Variants in NUP205 observed in about 807,000 individuals in gnomAD.
NUP205 encodes the protein nuclear pore complex protein Nup205.
NUP205 carries 76 observed loss-of-function variants against 253.8 expected under a neutral mutation model. The ratio of observed to expected loss-of-function variants is 0.30; its 90% confidence interval spans 0.25 to 0.36. The LOEUF (loss-of-function observed/expected upper bound fraction) is 0.36, where lower values mean the gene tolerates loss of function less well. Ranked by LOEUF, NUP205 falls within the 10% of genes least tolerant of loss-of-function variation. NUP205 has a pLI of 1.00. For synonymous variants in NUP205, 832 were observed against 850.1 expected, an observed-to-expected ratio of 0.98 and a Z score of 0.37; for missense variants, 2,162 against 2,425.5, an observed-to-expected ratio of 0.89 and a Z score of 2.28.
intron 27 of NUP205, among the ~76,000 whole-genome samples, chr7:135,617,962 G>C (rs1382789901): frequency 6.6e-6 from 1 of 151,372 alleles, no homozygotes; most frequent in Non-Finnish European, 1.5e-5. Context: ...GAGAGAGGAG[G>C]GTCATTTGTC....
chr7:135,600,819 C>A, intron 15 of NUP205, 51 bp from the exon 16 acceptor site: 1 of 1,071,432 alleles, frequency 9.3e-7, no homozygotes, highest in South Asian at 1.6e-5. Context: ...CTTGCAAGGC[C>A]ACCACCTTGG....
At chr7:135,558,404 A>G (rs535794141) in intron 1 of NUP205, among the ~76,000 whole-genome samples, 1 of 152,230 alleles carries the variant, frequency 6.6e-6, no homozygotes, top group South Asian at 2.1e-4. Context: ...AGGGTGGGAG[A>G]TCTTGCAGGC....
chr7:135,646,857 T>G (rs534169078), intron 42 of NUP205, among the ~76,000 whole-genome samples: 1 of 152,350 alleles, frequency 6.6e-6, no homozygotes, highest in African/African-American at 2.4e-5. Context: ...GCTGCTAGTG[T>G]TGTACCTAGA....
intron 5 of NUP205, 57 bp from the exon 6 acceptor site, chr7:135,577,739 A>G: frequency 7.5e-7 from 1 of 1,334,806 alleles, no homozygotes; most frequent in Non-Finnish European, 1.1e-6. Context: ...GTACTTTGGA[A>G]TAAGACCAGG....
Position 135,577,920 on chromosome 7 carries a change from T to C in NUP205, c.773T>C (p.Val258Ala). The change falls in exon 6 of 43, where the codon GTT becomes GCT. Residue 258 changes from valine to alanine, a missense_variant. Val to Ala is a moderately conservative substitution (Grantham distance 64). Transcript: ENST00000285968. ...LLIGHLERVT[V>A]EANGSLDAVN... ...ATTGGACATTTGGAAAGAGTGACAG[T>C]TGAGGCTAATGGCTCACTGGATGCA... 1 of 1,614,092 alleles carries C rather than the reference T, an allele frequency of 6.2e-7. No homozygotes were observed. The highest frequency in any genetic ancestry group is 2.2e-5 in the East Asian group (1 of 44,878).
intron 22 of NUP205, among the ~76,000 whole-genome samples, chr7:135,611,671 C>T (rs552182260): frequency 1.3e-5 from 2 of 151,576 alleles, no homozygotes; most frequent in African/African-American, 2.4e-5. Flanking sequence ...TCTGCTGTAG[C>T]GAACAAAAAA....
At chr7:135,592,260 C>T (rs934499484) in intron 11 of NUP205, among the ~76,000 whole-genome samples, 6 of 152,172 alleles carry the variant, frequency 3.9e-5, no homozygotes, top group African/African-American at 1.2e-4. Flanking sequence ...GCTTGGTATG[C>T]AATGGAGTAG....
intron 1 of NUP205, among the ~76,000 whole-genome samples, chr7:135,570,305 C>T (rs941613957): frequency 2.0e-5 from 3 of 151,984 alleles, no homozygotes; most frequent in Non-Finnish European, 4.4e-5. Flanking sequence ...CCTCCGCCTC[C>T]TGGGTTCGAG....
chr7:135,636,890 C>T (rs965576446), intron 36 of NUP205, among the ~76,000 whole-genome samples: 6 of 152,070 alleles, frequency 3.9e-5, no homozygotes, highest in Non-Finnish European at 8.8e-5. Context: ...CCTGTAGTCC[C>T]AGCTACCTGG....
Position 135,646,129 on chromosome 7 carries a change from C to G in NUP205, c.5813-29C>G, listed in dbSNP as rs747683930. 7.8e-5 allele frequency: 116 copies of G among 1,492,828 alleles called. No individual in the cohort carries two copies. In the Admixed American group the frequency reaches 8.0e-4, roughly 10 times the overall value. 92.5% of individuals were successfully genotyped at this position (1,492,828 alleles called of 1,614,324 possible). ...GTGTGGTAGATAGGTACTTGCACAG[C>G]CGGTATGACTCTGTTTTTTTATCTC... On this transcript the variant is annotated intron_variant, in intron 41 of 42. Coordinates refer to ENST00000285968, the MANE Select transcript of NUP205 (RefSeq NM_015135.3).
At position 135,578,768 on chromosome 7, in the gene NUP205, C is replaced by G. The variant is rs1484451695; in HGVS notation, c.895C>G (p.Pro299Ala). ...GTTTTCAGATATGATTCATCAACTT[C>G]CACTGTTGACAGAAAAACAGTACAT... ...EERDDMIHQL[P>A]LLTEKQYIAT... The change falls in exon 7 of 43, where the codon CCA (proline) becomes GCA (alanine). Residue 299 changes from proline (P) to alanine (A), a missense_variant. Physicochemically the swap from Pro to Ala is conservative, Grantham distance 27. Transcript: ENST00000285968. 6.3e-7 allele frequency: 1 copy of G among 1,599,528 alleles called. No individual in the cohort carries two copies. The highest frequency in any genetic ancestry group is 8.5e-7 in the Non-Finnish European group (1 of 1,174,450).
At chr7:135,639,803 C>G (rs1794885407) in intron 38 of NUP205, among the ~76,000 whole-genome samples, 2 of 152,066 alleles carry the variant, frequency 1.3e-5, no homozygotes, top group South Asian at 4.1e-4. Flanking sequence ...GACTTGGAAC[C>G]AACCCAAATG....
intron 18 of NUP205, 137 bp downstream of exon 18, chr7:135,603,131 T>G (rs1794000096): frequency 6.8e-6 from 4 of 586,316 alleles, no homozygotes; most frequent in Non-Finnish European, 8.7e-6. Flanking sequence ...TTTTTTTTTT[T>G]TTGAGATGGA....
At chr7:135,627,928 T>A in intron 33 of NUP205, 45 bp from the exon 34 acceptor site, 1 of 1,604,066 alleles carries the variant, frequency 6.2e-7, no homozygotes, top group Non-Finnish European at 8.5e-7. Flanking sequence ...GCCGAGAGTA[T>A]ACCTTAATTC....
rs758219138 is a variant in NUP205, at chr7:135,557,930, T to G, written c.-15T>G. 7.4e-6 allele frequency: 12 copies of G among 1,613,300 alleles called. No homozygotes were observed. The highest frequency in any genetic ancestry group is 1.0e-5 in the Non-Finnish European group (12 of 1,179,216). On this transcript the variant is annotated 5_prime_UTR_variant, in exon 1 of 43. Transcript: ENST00000285968. ...CCTCCATGCGGCAGAAGGGCTCTGTTAGTGCGCCTCTAAGATGGCGACGCC... is the reference window on the plus strand; with the variant it reads ...CCTCCATGCGGCAGAAGGGCTCTGTGAGTGCGCCTCTAAGATGGCGACGCC...
At chr7:135,618,646 A>G in intron 28 of NUP205, 43 bp downstream of exon 28, 5 of 1,457,186 alleles carry the variant, frequency 3.4e-6, no homozygotes, top group Non-Finnish European at 4.6e-6. Flanking sequence ...GAACGAATGT[A>G]TCATTTAAAC....
chr7:135,616,503 A>G (rs921591251), intron 24 of NUP205, 152 bp from the exon 25 acceptor site: 22 of 439,626 alleles, frequency 5.0e-5, no homozygotes, highest in Middle Eastern at 6.1e-4. Context: ...ATCCTCATCA[A>G]TCTTTACATT....
At chr7:135,618,652 TAAAC>T (rs745466070) in intron 28 of NUP205, 49 bp downstream of exon 28, 1 of 1,432,260 alleles carries the variant, frequency 7.0e-7, no homozygotes, top group Admixed American at 2.2e-5. Flanking sequence ...ATGTATCATT[TAAAC>T]AAATATATTT....
At chr7:135,645,158 C>G in intron 40 of NUP205, 140 bp downstream of exon 40, 2 of 957,858 alleles carry the variant, frequency 2.1e-6, no homozygotes, top group Non-Finnish European at 3.1e-6. Flanking sequence ...TAATGTATTT[C>G]CAAATCATAG....
Sources: allele counts gnomAD v4.1 joint callset (sites outside exome capture counted in the v4.1 genomes callset), GRCh38; gene constraint gnomAD v4.1.1; transcripts MANE v1.5; gene names NCBI Gene and HGNC (gene_info 2026-07-23, HGNC 2026-07-21).